NCALD: variants seen among roughly 807,000 people sequenced by gnomAD.
NCALD encodes neurocalcin delta.
NCALD carries 10 observed loss-of-function variants against 18.6 expected under a neutral mutation model. The observed-to-expected ratio is 0.54, with a 90% CI of 0.33 to 0.91. The LOEUF (loss-of-function observed/expected upper bound fraction) is 0.91, where lower values mean the gene tolerates loss of function less well. NCALD is among the 40% of genes least tolerant of loss of function. The pLI, the probability that NCALD is intolerant of heterozygous loss-of-function variation, is 0.03. For synonymous variants in NCALD, 88 were observed against 87.4 expected (o/e 1.01, Z -0.04); for missense variants, 184 against 247.6 (o/e 0.74, Z 1.72).
At chr8:101,862,309 T>G (rs1490847377) in intron 4 of NCALD, among the ~76,000 whole-genome samples, 1 of 152,226 alleles carries the variant, frequency 6.6e-6, no homozygotes, top group Non-Finnish European at 1.5e-5. Flanking sequence ...AATAAACTAC[T>G]TACGGCAATT....
intron 1 of NCALD, among the ~76,000 whole-genome samples, chr8:101,767,246 T>C (rs891663633): frequency 2.0e-5 from 3 of 152,148 alleles, no homozygotes; most frequent in Admixed American, 1.3e-4. Flanking sequence ...ATACTGCAAG[T>C]AATAAGTAAC....
intron 1 of NCALD, among the ~76,000 whole-genome samples, chr8:102,093,779 G>A (rs1825002321): frequency 6.6e-6 from 1 of 152,134 alleles, no homozygotes. Flanking sequence ...TTTTTTCTAA[G>A]AGCAAATAAA....
intron 1 of NCALD, among the ~76,000 whole-genome samples, chr8:102,047,776 A>AT (rs1353318776): frequency 2.0e-5 from 3 of 152,034 alleles, no homozygotes; most frequent in African/African-American, 4.8e-5. Flanking sequence ...TATTCTTCCC[A>AT]TTTTTTCAGG....
At chr8:102,044,494 C>T (rs146727809) in intron 1 of NCALD, among the ~76,000 whole-genome samples, 6 of 152,300 alleles carry the variant, frequency 3.9e-5, no homozygotes, top group African/African-American at 7.2e-5. Flanking sequence ...ATTTCTGCGT[C>T]GTTTCTACCA....
At chr8:101,798,877 A>G (rs578250142) in intron 4 of NCALD, among the ~76,000 whole-genome samples, 1 of 152,354 alleles carries the variant, frequency 6.6e-6, no homozygotes, top group Middle Eastern at 3.4e-3. Context: ...TGGATTTTTG[A>G]CAAATCTGCA....
chr8:101,693,072 C>A, intron 2 of NCALD, 176 bp from the exon 3 acceptor site: 1 of 520,084 alleles, frequency 1.9e-6, no homozygotes, highest in Admixed American at 3.1e-5. Flanking sequence ...GCCGGGCCCA[C>A]AAAGCTTGTT....
At chr8:101,917,495 A>G (rs1312923005) in intron 2 of NCALD, among the ~76,000 whole-genome samples, 1 of 152,126 alleles carries the variant, frequency 6.6e-6, no homozygotes, top group African/African-American at 2.4e-5. Flanking sequence ...AGCAGAAATG[A>G]ACAAAGTTGA....
intron 2 of NCALD, among the ~76,000 whole-genome samples, chr8:101,918,295 AC>A (rs1415905991): frequency 1.3e-5 from 2 of 152,090 alleles, no homozygotes. Context: ...TCATGATAAA[AC>A]CCCTCAAGAA....
intron 4 of NCALD, among the ~76,000 whole-genome samples, chr8:101,845,556 T>C (rs1224430425): frequency 2.0e-5 from 3 of 152,232 alleles, no homozygotes; most frequent in Non-Finnish European, 4.4e-5. Flanking sequence ...ATTGTAATTG[T>C]AACTGTACAT....
chr8:101,999,720 A>T (rs1466379418), intron 2 of NCALD, among the ~76,000 whole-genome samples: 4 of 152,190 alleles, frequency 2.6e-5, no homozygotes, highest in Non-Finnish European at 4.4e-5. Context: ...ATTAATAAAA[A>T]ATAAAAGTAG....
chr8:101,956,821 C>T (rs1819645933), intron 2 of NCALD, among the ~76,000 whole-genome samples: 1 of 152,144 alleles, frequency 6.6e-6, no homozygotes, highest in Admixed American at 6.5e-5. Flanking sequence ...TAGCCCACAC[C>T]ATTGTGCCCA....
chr8:101,931,651 T>C (rs964703315), intron 2 of NCALD, among the ~76,000 whole-genome samples: 4 of 148,586 alleles, frequency 2.7e-5, no homozygotes, highest in African/African-American at 1.0e-4. Flanking sequence ...TCTCGTATTT[T>C]CTTTGTTTGT....
chr8:101,763,975 CACACA>C (rs1268722099), intron 1 of NCALD, among the ~76,000 whole-genome samples: 16 of 27,884 alleles, frequency 5.7e-4, no homozygotes, highest in African/African-American at 8.5e-4. Flanking sequence ...TCCACACACA[CACACA>C]CACACACACA....
At chr8:101,690,466 T>TC in intron 3 of NCALD, 1 of 985,468 alleles carries the variant, frequency 1.0e-6, no homozygotes, top group Non-Finnish European at 1.2e-6. Context: ...TGTGGGTTTT[T>TC]CAGCACGTCC....
At chr8:101,849,782 T>G (rs781707596) in intron 4 of NCALD, among the ~76,000 whole-genome samples, 55 of 152,184 alleles carry the variant, frequency 3.6e-4, no homozygotes, top group Non-Finnish European at 6.6e-4. Flanking sequence ...CTAACTTCTT[T>G]TATCTTTGCT....
chr8:101,853,576 G>A (rs769158694), intron 4 of NCALD, among the ~76,000 whole-genome samples: 82 of 152,150 alleles, frequency 5.4e-4, no homozygotes, highest in Non-Finnish European at 9.9e-4. Flanking sequence ...TTGAAAGAAG[G>A]AAAGAAAATG....
Position 101,687,307 on chromosome 8 carries a change from G to A in NCALD, c.*2002C>T, listed in dbSNP as rs1814512093. ...ATGCAGCTCCTGAGCACTGCCAATA[G>A]GGCATGCTAGGTCTCCTCACCCAGT... On this transcript the variant is annotated 3_prime_UTR_variant, in exon 4 of 4. Transcript: ENST00000220931. 6.5e-6 allele frequency: 1 copy of A among 152,714 alleles called. No individual in the cohort carries two copies. The highest frequency in any genetic ancestry group is 1.5e-5 in the Non-Finnish European group (1 of 68,068). The allele number at this position is 152,714 out of a possible 1,614,324, so 9.5% of individuals were successfully genotyped here.
At chr8:101,733,339 G>T (rs1177539412) in intron 1 of NCALD, among the ~76,000 whole-genome samples, 1 of 152,126 alleles carries the variant, frequency 6.6e-6, no homozygotes, top group Non-Finnish European at 1.5e-5. Context: ...ATTGGACTTG[G>T]TAGCAGAACA....
At chr8:101,803,122 G>T (rs1812932756) in intron 4 of NCALD, among the ~76,000 whole-genome samples, 1 of 152,128 alleles carries the variant, frequency 6.6e-6, no homozygotes, top group African/African-American at 2.4e-5. Flanking sequence ...TTAAAAAACA[G>T]GCTGACTCTT....
Sources: gnomAD v4.1 joint callset for allele counts (sites outside exome capture counted in the v4.1 genomes callset) on GRCh38, gnomAD v4.1.1 for gene constraint, MANE v1.5 for transcripts, NCBI Gene and HGNC (gene_info 2026-07-23, HGNC 2026-07-21) for gene names.